SCLT1: variants seen among roughly 807,000 people sequenced by gnomAD.
SCLT1 encodes sodium channel-associated protein 1.
A neutral mutation model predicts 112.8 loss-of-function variants in SCLT1; 78 were observed. The observed-to-expected ratio is 0.69, with a 90% CI of 0.58 to 0.83. The LOEUF (loss-of-function observed/expected upper bound fraction) is 0.83. SCLT1 is among the 40% of genes least tolerant of loss of function. The pLI is 0.00. For missense variants in SCLT1, 747 were observed against 770.4 expected, an observed-to-expected ratio of 0.97 and a Z score of 0.36; for synonymous variants, 257 against 254.7, an observed-to-expected ratio of 1.01 and a Z score of -0.09.
chr4:129,021,086 G>T (rs1366075887), intron 5 of SCLT1, among the ~76,000 whole-genome samples: 3 of 152,160 alleles, frequency 2.0e-5, no homozygotes, highest in African/African-American at 7.2e-5. Context: ...TTAGGCAGTG[G>T]GTCCAACCCA....
At chr4:128,928,796 C>T (rs750470010) in intron 18 of SCLT1, among the ~76,000 whole-genome samples, 89 of 150,994 alleles carry the variant, frequency 5.9e-4, no homozygotes, top group Admixed American at 9.9e-4. Flanking sequence ...CGCGCCACTG[C>T]ACTCCAGCCC....
At chr4:128,945,982 T>C (rs1185184813) in intron 16 of SCLT1, 25 bp downstream of exon 16, 3 of 1,543,814 alleles carry the variant, frequency 1.9e-6, no homozygotes, top group Non-Finnish European at 2.7e-6. Context: ...GATGTTATCA[T>C]AGAAAATCCA....
intron 2 of SCLT1, among the ~76,000 whole-genome samples, chr4:129,072,409 T>C (rs1751095816): frequency 6.6e-6 from 1 of 152,136 alleles, no homozygotes; most frequent in African/African-American, 2.4e-5. Context: ...TCCAAGCTTT[T>C]AGAATTCTCT....
downstream of SCLT1, among the ~76,000 whole-genome samples, chr4:128,883,146 A>G (rs1182799694): frequency 2.4e-5 from 3 of 122,972 alleles, no homozygotes; most frequent in Non-Finnish European, 4.9e-5. Flanking sequence ...CTCTCTCAAC[A>G]ACAACAACAA....
At chr4:128,951,704 T>C (rs1019274782) in intron 14 of SCLT1, among the ~76,000 whole-genome samples, 1 of 152,074 alleles carries the variant, frequency 6.6e-6, no homozygotes, top group Non-Finnish European at 1.5e-5. Context: ...AACTGGGTGA[T>C]AGAAAAGGAA....
chr4:128,994,778 A>G (rs1407493772), intron 8 of SCLT1, among the ~76,000 whole-genome samples: 1 of 152,134 alleles, frequency 6.6e-6, no homozygotes. Flanking sequence ...GACATCGAGC[A>G]TTGGGCATTT....
At chr4:129,047,069 G>A (rs921331945) in intron 2 of SCLT1, among the ~76,000 whole-genome samples, 2 of 151,924 alleles carry the variant, frequency 1.3e-5, no homozygotes, top group Non-Finnish European at 2.9e-5. Context: ...CCATTCCATA[G>A]CTTGTCTTTT....
intron 2 of SCLT1, among the ~76,000 whole-genome samples, chr4:129,066,520 A>G (rs899816498): frequency 6.6e-6 from 1 of 152,036 alleles, no homozygotes; most frequent in Admixed American, 6.6e-5. Flanking sequence ...AAATCTTAAG[A>G]TAACGCCAAT....
intron 18 of SCLT1, among the ~76,000 whole-genome samples, chr4:128,898,666 C>T (rs192872954): frequency 3.3e-5 from 5 of 152,270 alleles, no homozygotes; most frequent in African/African-American, 1.2e-4. Context: ...CAAGAAATAA[C>T]TAAGATCAGA....
rs531621612 is a variant in SCLT1 at position 128,934,059 on chromosome 4, A to G, written c.1829+2596T>C. ...TTAATTTTACTTTTGATTTTTAGGT[A>G]TTGCTTTTCAAATTTTGATTTAATT... is the stretch of plus-strand genomic sequence containing the variant. On this transcript the variant is annotated intron_variant, in intron 18 of 20. Transcript: ENST00000281142. Among the ~76,000 whole-genome samples the G allele has an allele frequency of 2.9e-4, 44 of 152,064 alleles. 1 individual carries two copies. The South Asian group carries it at 8.9e-3, about 31-fold the overall frequency.
intron 5 of SCLT1, among the ~76,000 whole-genome samples, chr4:129,022,945 C>G (rs1431805347): frequency 1.3e-5 from 2 of 152,204 alleles, no homozygotes; most frequent in East Asian, 1.9e-4. Context: ...AACAGCAGAT[C>G]TCTCTGCAGA....
intron 2 of SCLT1, among the ~76,000 whole-genome samples, chr4:129,049,649 G>A (rs1748567464): frequency 6.6e-6 from 1 of 150,872 alleles, no homozygotes; most frequent in Non-Finnish European, 1.5e-5. Context: ...AAGAGACGGG[G>A]TGATTTATTT....
intron 5 of SCLT1, among the ~76,000 whole-genome samples, chr4:129,027,745 T>A (rs1239872946): frequency 6.6e-6 from 1 of 152,190 alleles, no homozygotes; most frequent in Non-Finnish European, 1.5e-5. Flanking sequence ...TTGTCCCTGT[T>A]TGCAGATGAC....
chr4:128,933,542 A>G (rs1372937313), intron 18 of SCLT1, among the ~76,000 whole-genome samples: 1 of 152,038 alleles, frequency 6.6e-6, no homozygotes, highest in Non-Finnish European at 1.5e-5. Flanking sequence ...AGTATTTTCT[A>G]GGCTTATCTT....
chr4:128,937,650 T>G (rs71612197), intron 17 of SCLT1, among the ~76,000 whole-genome samples: 1 of 152,196 alleles, frequency 6.6e-6, no homozygotes, highest in African/African-American at 2.4e-5. Context: ...AGCTCCAGTA[T>G]TAGTGAATGA....
intron 10 of SCLT1, among the ~76,000 whole-genome samples, chr4:128,967,292 A>G (rs748456537): frequency 5.3e-5 from 8 of 152,140 alleles, no homozygotes; most frequent in Non-Finnish European, 1.2e-4. Flanking sequence ...TCTCCTTGTT[A>G]TTGTGAATAG....
intron 18 of SCLT1, among the ~76,000 whole-genome samples, chr4:128,922,471 T>C (rs953700986): frequency 6.6e-6 from 1 of 151,914 alleles, no homozygotes; most frequent in Non-Finnish European, 1.5e-5. Context: ...AAAGCAGCCA[T>C]AAAAAAGAAT....
Position 129,059,892 on chromosome 4 carries a change from T to C in SCLT1, c.103-15841A>G, listed in dbSNP as rs116565069. 5.4e-3 allele frequency among the ~76,000 whole-genome samples: 828 copies of C among 152,314 alleles called. 8 individuals carry two copies. Among genetic ancestry groups the C allele is most frequent in the African/African-American group, 0.019 (780 of 41,566 alleles). On this transcript the variant is annotated intron_variant, in intron 2 of 20. Transcript: ENST00000281142. ...TCCTGGATCCAGATGTCCATATCTC[T>C]CCACAGCCTTGGGAAGTTTTCAGCT...
intron 9 of SCLT1, among the ~76,000 whole-genome samples, chr4:128,982,286 C>A (rs964114476): frequency 6.6e-6 from 1 of 152,056 alleles, no homozygotes; most frequent in Non-Finnish European, 1.5e-5. Context: ...GTCGAAGCTA[C>A]GAAAGTGTGC....
Sources: allele counts gnomAD v4.1 joint callset (sites outside exome capture counted in the v4.1 genomes callset), GRCh38; gene constraint gnomAD v4.1.1; transcripts MANE v1.5; gene names NCBI Gene and HGNC (gene_info 2026-07-23, HGNC 2026-07-21).